The following PLEKHA4 variants were observed in gnomAD, a reference collection of about 807,000 sequenced individuals.
PLEKHA4 encodes pleckstrin homology domain containing A4, also known as pleckstrin homology domain-containing family A member 4.
In PLEKHA4, 73 loss-of-function variants were observed where a neutral mutation model predicts 94.7. That is an observed-to-expected ratio of 0.77 (90% CI 0.64 to 0.94). The LOEUF is 0.94. Among genes scored for constraint, PLEKHA4 ranks in the 40% least tolerant of loss-of-function variants. PLEKHA4 has a pLI of 0.00. For missense variants in PLEKHA4, 1,049 were observed against 1,054.1 expected (o/e 1.00, Z 0.07); for synonymous variants, 449 against 437.1 (o/e 1.03, Z -0.34).
At chr19:48,843,019 A>G (rs1364469184) in intron 16 of PLEKHA4, among the ~76,000 whole-genome samples, 1 of 152,184 alleles carries the variant, frequency 6.6e-6, no homozygotes, top group Non-Finnish European at 1.5e-5. Context: ...TCCCAAGATA[A>G]GTGATGTTCC....
chr19:48,838,782 GTAAAAAATAAAAATAAAAA>G (rs1159820558), intron 18 of PLEKHA4, among the ~76,000 whole-genome samples: 1 of 145,132 alleles, frequency 6.9e-6, no homozygotes, highest in Non-Finnish European at 1.5e-5. Flanking sequence ...AAAAAAAAAA[GTAAAAAATAAAAATAAAAA>G]TAAAAAATAA....
At chr19:48,859,714 T>G in intron 6 of PLEKHA4, 30 bp from the exon 7 acceptor site, 1 of 1,583,236 alleles carries the variant, frequency 6.3e-7, no homozygotes, top group Non-Finnish European at 8.6e-7. Flanking sequence ...AAGATATCAC[T>G]CCTTCGAACT....
chr19:48,838,841 G>T (rs1029498205), intron 18 of PLEKHA4, among the ~76,000 whole-genome samples: 2 of 151,598 alleles, frequency 1.3e-5, no homozygotes, highest in Non-Finnish European at 2.9e-5. Flanking sequence ...CCCGGGTACC[G>T]CACGTGCCTT....
intron 4 of PLEKHA4, 38 bp downstream of exon 4, chr19:48,861,582 G>C (rs1002289959): frequency 1.2e-6 from 2 of 1,612,350 alleles, no homozygotes. Context: ...CTGGGCGGGG[G>C]GGCCCTCCCA....
intron 17 of PLEKHA4, 144 bp from the exon 18 acceptor site, chr19:48,839,407 T>C (rs945297771): frequency 6.1e-6 from 3 of 489,338 alleles, no homozygotes; most frequent in African/African-American, 5.9e-5. Flanking sequence ...TATGCTTCTG[T>C]AGGCACTGAA....
intron 16 of PLEKHA4, chr19:48,844,432 G>C (rs1300827506): frequency 1.0e-6 from 1 of 984,246 alleles, no homozygotes; most frequent in Non-Finnish European, 1.2e-6. Flanking sequence ...TGGGATTACA[G>C]GTACGAGCCA....
chr19:48,841,103 G>T, intron 17 of PLEKHA4, 46 bp downstream of exon 17: 1 of 1,555,414 alleles, frequency 6.4e-7, no homozygotes, highest in Non-Finnish European at 8.8e-7. Flanking sequence ...AGGCGAAGAG[G>T]ACCTACTACC....
intron 16 of PLEKHA4, among the ~76,000 whole-genome samples, chr19:48,841,623 C>A (rs939980024): frequency 3.4e-5 from 5 of 148,716 alleles, no homozygotes; most frequent in African/African-American, 1.2e-4. Flanking sequence ...AAGACTCTGT[C>A]TCAAATATAT....
intron 13 of PLEKHA4, among the ~76,000 whole-genome samples, chr19:48,851,010 G>A (rs2036164271): frequency 6.6e-6 from 1 of 151,414 alleles, no homozygotes; most frequent in Admixed American, 6.6e-5. Flanking sequence ...GCATGGTGGT[G>A]GTCATCTGTA....
rs1421696702 is a variant in PLEKHA4, at chr19:48,837,571, C to T, written c.2078-20G>A. 1 of 1,612,736 alleles carries T rather than the reference C, an allele frequency of 6.2e-7. No homozygotes were observed. Among genetic ancestry groups the T allele is most frequent in the Admixed American group, 1.7e-5 (1 of 59,898 alleles). ...TTCCACCTGGAGAGGATGAGTGGGA[C>T]ATGAGAATGGCAAACCTCAGCGCTA... On this transcript the variant is annotated intron_variant, in intron 19 of 19. Coordinates refer to ENST00000263265, the MANE Select transcript of PLEKHA4 (RefSeq NM_020904.3). This position sits in a 1 kb window ranked among gnomAD's most constrained non-coding sequence, Gnocchi z 4.3.
At chr19:48,854,891 G>A (rs946773762) in intron 9 of PLEKHA4, among the ~76,000 whole-genome samples, 1 of 150,970 alleles carries the variant, frequency 6.6e-6, no homozygotes, top group Non-Finnish European at 1.5e-5. Context: ...TTGTTTTCAG[G>A]GCTGGGGTCT....
intron 9 of PLEKHA4, among the ~76,000 whole-genome samples, chr19:48,855,005 G>C (rs1307540618): frequency 6.6e-6 from 1 of 151,766 alleles, no homozygotes; most frequent in Non-Finnish European, 1.5e-5. Context: ...CAAGCCTAGC[G>C]ACCCCTCTCC....
Position 48,858,627 on chromosome 19 carries a change from C to CAAAAAAAA in PLEKHA4, c.972+225_972+232dup, listed in dbSNP as rs56663437. On this transcript the variant is annotated intron_variant, in intron 8 of 19. Transcript: ENST00000263265. ...TGGCGACAGAGCAAGACCTCAGTCT[C>CAAAAAAAA]AAAAAAAAAAAAAAAAAGCAATGGC... Among the ~76,000 whole-genome samples, 97 of 63,436 alleles carry CAAAAAAAA rather than the reference C, an allele frequency of 1.5e-3. 6 individuals are homozygous for CAAAAAAAA. Among genetic ancestry groups the CAAAAAAAA allele is most frequent in the Middle Eastern group, 9.6e-3 (1 of 104 alleles). 41.6% of individuals were successfully genotyped at this position (63,436 alleles called of 152,430 possible). A position where few individuals can be genotyped will look rare whatever the true frequency, so the allele number is the denominator to read the frequency against.
rs1296061749 is a variant in PLEKHA4, at chr19:48,859,691, A to G, written c.477-7T>C. On this transcript the variant is annotated splice_polypyrimidine_tract_variant and splice_region_variant and intron_variant, in intron 6 of 19. Transcript: ENST00000263265. ...AGGTGACCTGGGTTGCCCACTAGCG[A>G]GTGGACATAGACAAGATATCACTCC... The G allele has an allele frequency of 7.5e-6, 12 of 1,609,516 alleles. No homozygotes were observed. The highest frequency in any genetic ancestry group is 1.0e-5 in the Non-Finnish European group (12 of 1,178,986).
In PLEKHA4 at chr19:48,853,823, T is replaced by G. The variant is rs1002758263; in HGVS notation, c.1185A>C (p.Leu395=). 1.9e-6 allele frequency: 3 copies of G among 1,608,438 alleles called. No individual in the cohort carries two copies. In the African/African-American group the frequency reaches 4.0e-5, roughly 22 times the overall value. ...IDQKQEEKEQ[L]EAALELTRQQ... ...GCCGGGTCAACTCCAGAGCTGCTTCTAGTTGCTCCTGCACCAAGACAGAAG... is the reference window on the plus strand; with the variant it reads ...GCCGGGTCAACTCCAGAGCTGCTTCGAGTTGCTCCTGCACCAAGACAGAAG... The change falls in exon 12 of 20, where the codon CTA becomes CTC. Residue 395 remains leucine (L), a synonymous_variant. Transcript: ENST00000263265.
At chr19:48,839,654 G>C (rs12459682) in intron 17 of PLEKHA4, among the ~76,000 whole-genome samples, 2,397 of 151,542 alleles carry the variant, frequency 0.016, 27 homozygotes, top group Middle Eastern at 0.044. Flanking sequence ...CTCCTGCCTC[G>C]GCCTCCCAAA....
At chr19:48,863,852 G>A (rs1387390231) in intron 3 of PLEKHA4, among the ~76,000 whole-genome samples, 2 of 152,136 alleles carry the variant, frequency 1.3e-5, no homozygotes, top group Non-Finnish European at 2.9e-5. Flanking sequence ...GATTACAGGC[G>A]TCAGCCATCG....
intron 9 of PLEKHA4, among the ~76,000 whole-genome samples, chr19:48,856,057 A>T (rs1226594923): frequency 6.6e-6 from 1 of 151,742 alleles, no homozygotes; most frequent in Non-Finnish European, 1.5e-5. Flanking sequence ...CTGTAATCCC[A>T]GCTACTCGGG....
At chr19:48,847,761 A>G in intron 14 of PLEKHA4, 139 bp downstream of exon 14, 1 of 981,098 alleles carries the variant, frequency 1.0e-6, no homozygotes, top group Non-Finnish European at 1.4e-6. Flanking sequence ...AAGAAAACAA[A>G]GGCTTCCAGA....
Sources: gnomAD v4.1 joint callset for allele counts (sites outside exome capture counted in the v4.1 genomes callset) on GRCh38, gnomAD v4.1.1 for gene constraint, Gnocchi (gnomAD v3.1) non-coding constraint, MANE v1.5 for transcripts, NCBI Gene and HGNC (gene_info 2026-07-23, HGNC 2026-07-21) for gene names.